ARMC6: variants seen among roughly 807,000 people sequenced by gnomAD.
The protein encoded by ARMC6 is armadillo repeat-containing protein 6.
In ARMC6, 43 loss-of-function variants were observed where a neutral mutation model predicts 49.2. The ratio of observed to expected loss-of-function variants is 0.87; its 90% CI spans 0.69 to 1.13. The LOEUF is 1.13. ARMC6 is among the 50% of genes most tolerant of loss of function. The pLI is 0.00. For synonymous variants in ARMC6, 262 were observed against 289.6 expected, an observed-to-expected ratio of 0.90 and a Z score of 0.97; for missense variants, 627 against 682.0, an observed-to-expected ratio of 0.92 and a Z score of 0.90.
intron 2 of ARMC6, among the ~76,000 whole-genome samples, chr19:19,039,738 G>A (rs2059397327): frequency 6.6e-6 from 1 of 152,082 alleles, no homozygotes; most frequent in African/African-American, 2.4e-5. Flanking sequence ...CCTTTCTCTG[G>A]CTGAGTAATA....
At position 19,037,379 on chromosome 19, in the gene ARMC6, CT is replaced by C. The variant is rs34331029; in HGVS notation, c.29+3156del. ...GGCCAGAGTGACCTGTTTCTTTTTC[CT>C]TTTTTTTTTTTTTTGAGACAAGGTC... On this transcript the variant is annotated intron_variant, in intron 2 of 8. Coordinates refer to ENST00000535612, the MANE Select transcript of ARMC6 (RefSeq NM_001199196.2). Among the ~76,000 whole-genome samples, 1,241 of 140,802 alleles carry C rather than the reference CT, an allele frequency of 8.8e-3. 13 individuals carry two copies. Among genetic ancestry groups the C allele is most frequent in the African/African-American group, 0.027 (1,043 of 38,188 alleles). The allele number at this position is 140,802 out of a possible 152,430, so 92.4% of individuals were successfully genotyped here. A position where few individuals can be genotyped will look rare whatever the true frequency, so the allele number is the denominator to read the frequency against.
intron 4 of ARMC6, among the ~76,000 whole-genome samples, chr19:19,046,803 G>A (rs905871293): frequency 6.6e-6 from 1 of 151,682 alleles, no homozygotes; most frequent in Non-Finnish European, 1.5e-5. Flanking sequence ...CCTATTTTTT[G>A]TTTTGTAGAG....
In ARMC6 at chr19:19,055,745, G is replaced by C; in HGVS notation, c.1156-46G>C. 1 of 1,526,314 alleles carries C rather than the reference G, an allele frequency of 6.6e-7. No homozygotes were observed. The highest frequency in any genetic ancestry group is 1.4e-5 in the African/African-American group (1 of 73,336). 94.5% of individuals were successfully genotyped at this position (1,526,314 alleles called of 1,614,324 possible). A position where few individuals can be genotyped will look rare whatever the true frequency, so the allele number is the denominator to read the frequency against. ...GGTGGCCATGGCAGGATGTTGTGGG[G>C]GGTCTATCTGCTGCATCTCAGCCTT... On this transcript the variant is annotated intron_variant, in intron 7 of 8. Coordinates refer to ENST00000535612, the MANE Select transcript of ARMC6 (RefSeq NM_001199196.2). This position sits in a 1 kb window ranked among gnomAD's most constrained non-coding sequence, Gnocchi z 5.7.
At chr19:19,045,420 A>G (rs1483291704) in intron 4 of ARMC6, among the ~76,000 whole-genome samples, 1 of 151,292 alleles carries the variant, frequency 6.6e-6, no homozygotes, top group Admixed American at 6.6e-5. Flanking sequence ...AAGGATCTCA[A>G]TAACAATATC....
In ARMC6 at chr19:19,055,829, C is replaced by G. The variant is rs2059539298; in HGVS notation, c.1194C>G (p.Ala398=). The change falls in exon 8 of 9, where the codon GCC becomes GCG. Residue 398 remains alanine (A), a synonymous_variant. Transcript: ENST00000535612. The surrounding 1 kb of genome is among the most constrained non-coding windows in gnomAD (Gnocchi z 5.7). The stretch of plus-strand genomic sequence containing the variant: ...GCTGCGCGGCCCTGTGCTTCCTGGC[C>G]CTGCGTAAGCCCGACAACAGCCGCA... The part of the protein sequence containing the change: ...EQSCAALCFL[A]LRKPDNSRII... 2 of 1,607,508 alleles carry G rather than the reference C, an allele frequency of 1.2e-6. No individual in the cohort carries two copies. The highest frequency in any genetic ancestry group is 2.2e-5 in the South Asian group (2 of 90,570).
At chr19:19,047,080 A>C (rs2059458144) in intron 4 of ARMC6, among the ~76,000 whole-genome samples, 1 of 151,276 alleles carries the variant, frequency 6.6e-6, no homozygotes, top group Non-Finnish European at 1.5e-5. Flanking sequence ...CAGCCTCCTG[A>C]GTAGCTGGGA....
intron 2 of ARMC6, chr19:19,037,521 C>T: frequency 1.8e-6 from 1 of 565,226 alleles, no homozygotes; most frequent in South Asian, 1.5e-5. Flanking sequence ...TGCATGCTCC[C>T]ACACCTGGCT....
chr19:19,045,039 C>T (rs1308610525), intron 4 of ARMC6, among the ~76,000 whole-genome samples: 2 of 152,118 alleles, frequency 1.3e-5, no homozygotes, highest in Non-Finnish European at 2.9e-5. Context: ...GAGACAGAGT[C>T]TCACTCTGTT....
intron 4 of ARMC6, among the ~76,000 whole-genome samples, chr19:19,048,964 C>T (rs540291909): frequency 5.7e-4 from 86 of 152,092 alleles, no homozygotes; most frequent in Non-Finnish European, 1.0e-3. Context: ...CATATTTGAC[C>T]GCCACTTCCC....
chr19:19,053,177 A>G (rs1008959047), intron 5 of ARMC6, among the ~76,000 whole-genome samples: 1 of 152,116 alleles, frequency 6.6e-6, no homozygotes, highest in African/African-American at 2.4e-5. Flanking sequence ...ACATTGTTCA[A>G]GGTCATCTCC....
At chr19:19,050,933 T>C (rs1461134333) in intron 4 of ARMC6, among the ~76,000 whole-genome samples, 2 of 152,248 alleles carry the variant, frequency 1.3e-5, no homozygotes, top group African/African-American at 4.8e-5. Flanking sequence ...CGAGGTCATG[T>C]AGTTGAATGG....
Position 19,054,200 on chromosome 19 carries a change from C to T in ARMC6, c.902C>T (p.Ser301Phe). The change falls in exon 6 of 9, where the codon TCC becomes TTC. Residue 301 changes from serine (S) to phenylalanine (F), a missense_variant. Ser to Phe is a radical substitution (Grantham distance 155). Transcript: ENST00000535612. ...GILSELCGTLSRLAIRNEFCQ... is the reference protein window; with the variant it reads ...GILSELCGTLFRLAIRNEFCQ... ...CTGAGCGAGCTCTGTGGAACCCTGT[C>T]CCGCCTGGCCATTCGCAACGAGTTC... The T allele has an allele frequency of 6.2e-7, 1 of 1,611,120 alleles. No individual in the cohort carries two copies. Among genetic ancestry groups the T allele is most frequent in the Non-Finnish European group, 8.5e-7 (1 of 1,178,668 alleles).
chr19:19,047,845 G>A (rs1357928554), intron 4 of ARMC6, among the ~76,000 whole-genome samples: 1 of 152,202 alleles, frequency 6.6e-6, no homozygotes, highest in Non-Finnish European at 1.5e-5. Context: ...CAATACATGT[G>A]AGACGTACAT....
At chr19:19,036,224 G>T (rs1262069883) in intron 2 of ARMC6, among the ~76,000 whole-genome samples, 3 of 152,160 alleles carry the variant, frequency 2.0e-5, no homozygotes, top group African/African-American at 7.2e-5. Flanking sequence ...ACCACGCCCA[G>T]TTAATTTTTA....
chr19:19,037,918 G>C (rs1455102578), intron 2 of ARMC6, among the ~76,000 whole-genome samples: 1 of 152,176 alleles, frequency 6.6e-6, no homozygotes, highest in Non-Finnish European at 1.5e-5. Context: ...TCCCTGGCCT[G>C]TTAGGACCTG....
chr19:19,057,776 AG>A lies in ARMC6; in HGVS notation c.*154del, dbSNP rs760524607. On this transcript the variant is annotated 3_prime_UTR_variant, in exon 9 of 9. Coordinates refer to ENST00000535612, the MANE Select transcript of ARMC6 (RefSeq NM_001199196.2). ...CAGGCCCTAGGTAAAGGGTCGGGGG[AG>A]GGGGGAGCCTTGTAGGGAGGCCTCT... 11 of 596,246 alleles carry A rather than the reference AG, an allele frequency of 1.8e-5. No homozygotes were observed. The highest frequency in any genetic ancestry group is 3.0e-5 in the Non-Finnish European group (10 of 332,754). The allele number at this position is 596,246 out of a possible 1,614,324, so 36.9% of individuals were successfully genotyped here.
At chr19:19,034,926 A>G (rs1009615930) in intron 2 of ARMC6, among the ~76,000 whole-genome samples, 21 of 149,716 alleles carry the variant, frequency 1.4e-4, no homozygotes, top group Admixed American at 1.3e-3. Flanking sequence ...CAGTGGCGCA[A>G]TCTCAGCTCA....
intron 4 of ARMC6, among the ~76,000 whole-genome samples, chr19:19,048,773 A>G (rs2059472265): frequency 6.6e-6 from 1 of 152,232 alleles, no homozygotes. Context: ...GCTTTTCCCC[A>G]CAAGAGATAG....
intron 5 of ARMC6, 92 bp downstream of exon 5, chr19:19,052,287 A>G: frequency 8.0e-7 from 1 of 1,244,400 alleles, no homozygotes; most frequent in South Asian, 1.5e-5. Flanking sequence ...TGCTTTAGGC[A>G]CGGCAGGCTC....
Sources: gnomAD v4.1 joint callset for allele counts (sites outside exome capture counted in the v4.1 genomes callset) on GRCh38, gnomAD v4.1.1 for gene constraint, Gnocchi (gnomAD v3.1) non-coding constraint, MANE v1.5 for transcripts, NCBI Gene and HGNC (gene_info 2026-07-23, HGNC 2026-07-21) for gene names.